Variants in ZNF624 observed in about 807,000 individuals in gnomAD.
The protein encoded by ZNF624 is zinc finger protein 624.
ZNF624 carries 43 observed loss-of-function variants against 74.7 expected under a neutral mutation model. The ratio of observed to expected loss-of-function variants is 0.58; its 90% CI spans 0.45 to 0.74. ZNF624 has a LOEUF of 0.74. Among genes scored for constraint, ZNF624 ranks in the 30% least tolerant of loss-of-function variants. ZNF624 has a pLI of 0.00. For synonymous variants in ZNF624, 331 were observed against 341.3 expected, an observed-to-expected ratio of 0.97 and a Z score of 0.33; for missense variants, 820 against 1,030.0, an observed-to-expected ratio of 0.80 and a Z score of 2.79.
At chr17:16,630,676 G>T (rs557806215) in intron 5 of ZNF624, among the ~76,000 whole-genome samples, 13 of 152,170 alleles carry the variant, frequency 8.5e-5, no homozygotes, top group African/African-American at 2.9e-4. Context: ...ACAACCAAAA[G>T]AAAGATGCTG....
Position 16,621,485 on chromosome 17 carries a change from G to A in ZNF624, c.*803C>T, listed in dbSNP as rs765286600. On this transcript the variant is annotated 3_prime_UTR_variant, in exon 6 of 6. Transcript: ENST00000311331. ...TTAAACATATATTGTTGGACTGCTG[G>A]TGGAAGTATGTTACACAACCTTTAA... is the stretch of plus-strand genomic sequence containing the variant. 1.3e-5 allele frequency: 2 copies of A among 152,212 alleles called. No individual in the cohort carries two copies. The highest frequency in any genetic ancestry group is 2.9e-5 in the Non-Finnish European group (2 of 68,042). 9.4% of individuals were successfully genotyped at this position (152,212 alleles called of 1,614,324 possible). A position where few individuals can be genotyped will look rare whatever the true frequency, so the allele number is the denominator to read the frequency against.
chr17:16,642,320 T>C (rs376064544), intron 3 of ZNF624, among the ~76,000 whole-genome samples: 2 of 152,230 alleles, frequency 1.3e-5, no homozygotes, highest in South Asian at 2.1e-4. Flanking sequence ...GACATTAGGA[T>C]AGACATTTAC....
chr17:16,625,365 A>G (rs1309429167), intron 5 of ZNF624, among the ~76,000 whole-genome samples: 1 of 152,042 alleles, frequency 6.6e-6, no homozygotes, highest in Non-Finnish European at 1.5e-5. Context: ...TATTTTTAGT[A>G]GAGACGGGGT....
At chr17:16,640,709 G>A (rs1408846045) in intron 3 of ZNF624, among the ~76,000 whole-genome samples, 3 of 152,118 alleles carry the variant, frequency 2.0e-5, no homozygotes, top group African/African-American at 7.2e-5. Context: ...CAGAAAATCT[G>A]GATAGATCTA....
At chr17:16,650,439 G>A (rs200486745) in intron 1 of ZNF624, among the ~76,000 whole-genome samples, 1 of 117,036 alleles carries the variant, frequency 8.5e-6, no homozygotes, top group Non-Finnish European at 1.7e-5. Context: ...AATAATAATA[G>A]AAGAGACATG....
downstream of ZNF624, among the ~76,000 whole-genome samples, chr17:16,616,491 A>C (rs1169593005): frequency 2.0e-5 from 3 of 152,262 alleles, no homozygotes; most frequent in East Asian, 5.8e-4. Context: ...TTAATTTAAA[A>C]ATAAGCAAAC....
chr17:16,623,039 T>G lies in ZNF624; in HGVS notation c.1847A>C (p.Asp616Ala). The G allele has an allele frequency of 1.9e-6, 3 of 1,613,986 alleles. No individual in the cohort carries two copies. The highest frequency in any genetic ancestry group is 2.5e-6 in the Non-Finnish European group (3 of 1,179,954). The stretch of plus-strand genomic sequence containing the variant: ...CATTTTGGTGAATGCCCTCTCGCAG[T>G]CAGTACATTTATATGGTTTCTCTCC... ...HTGEKPYKCT[D>A]CERAFTKMVN... Residue 616 changes from aspartate to alanine, a missense_variant, in exon 6 of 6, where the codon GAC becomes GCC. Asp to Ala is a moderately radical substitution (Grantham distance 126). Coordinates refer to ENST00000311331, the MANE Select transcript of ZNF624 (RefSeq NM_020787.4). This position sits in a 1 kb window ranked among gnomAD's most constrained non-coding sequence, Gnocchi z 5.3.
chr17:16,648,139 T>C (rs1175802483), intron 2 of ZNF624, among the ~76,000 whole-genome samples: 1 of 151,774 alleles, frequency 6.6e-6, no homozygotes, highest in Non-Finnish European at 1.5e-5. Context: ...AGACAGAGTT[T>C]CACCATGTTG....
intron 3 of ZNF624, among the ~76,000 whole-genome samples, chr17:16,639,482 C>T (rs1223149855): frequency 6.6e-6 from 1 of 152,058 alleles, no homozygotes; most frequent in Non-Finnish European, 1.5e-5. Flanking sequence ...TCACCAAGAA[C>T]TCAGCCCCAG....
chr17:16,616,760 A>G (rs1908799313), downstream of ZNF624: 1 of 761,954 alleles, frequency 1.3e-6, no homozygotes, highest in East Asian at 2.7e-5. Flanking sequence ...TTCCTCTTGC[A>G]GAAGAGACCA....
At chr17:16,650,668 T>A (rs1909703950) in intron 1 of ZNF624, among the ~76,000 whole-genome samples, 1 of 152,120 alleles carries the variant, frequency 6.6e-6, no homozygotes, top group Non-Finnish European at 1.5e-5. Context: ...TATCAAACAG[T>A]ACAGATTGTC....
chr17:16,623,568 C>T lies in ZNF624; in HGVS notation c.1318G>A (p.Glu440Lys), dbSNP rs1462669891. Reference sequence around the variant, plus strand: ...TCGTTGCACTGATATGGTTTCTCTTCAGTGTGGGTCTTCTGATGTACACTA... The same window carrying T: ...TCGTTGCACTGATATGGTTTCTCTTTAGTGTGGGTCTTCTGATGTACACTA... Reference protein sequence around the residue: ...YLSVHQKTHTEEKPYQCNECG... With the variant: ...YLSVHQKTHTKEKPYQCNECG... The change falls in exon 6 of 6, where the codon GAA becomes AAA. Residue 440 changes from glutamate (E) to lysine (K), a missense_variant. Transcript: ENST00000311331. The surrounding 1 kb of genome is among the most constrained non-coding windows in gnomAD (Gnocchi z 5.3). 6.2e-7 allele frequency: 1 copy of T among 1,610,426 alleles called. No individual in the cohort carries two copies. The highest frequency in any genetic ancestry group is 1.7e-5 in the Admixed American group (1 of 59,232).
In ZNF624 at chr17:16,622,778, T is replaced by C. The variant is rs1306087119; in HGVS notation, c.2108A>G (p.Lys703Arg). ...AAAGCCTGAGTTACTTGTGAAAACC[T>C]TTCCACATTCATTGCATTTATAGGG... ...EKPYKCNECG[K>R]VFTSNSGFNT... Residue 703 changes from lysine (K) to arginine (R), a missense_variant, in exon 6 of 6, where the codon AAG (lysine) becomes AGG (arginine). Coordinates refer to ENST00000311331, the MANE Select transcript of ZNF624 (RefSeq NM_020787.4). 1.9e-6 allele frequency: 3 copies of C among 1,613,928 alleles called. No homozygotes were observed. The highest frequency in any genetic ancestry group is 1.7e-4 in the Middle Eastern group (1 of 6,056).
chr17:16,622,917 C>A lies in ZNF624; in HGVS notation c.1969G>T (p.Val657Leu). ...TCTCCAGTATGGGTCCTCTGATGTA[C>A]AATAAGGTATGATTTAGTCCTAAAG... ...KSFRTKSYLI[V>L]HQRTHTGEKP... is the part of the protein sequence containing the mutation. The change falls in exon 6 of 6, where the codon GTA becomes TTA. Residue 657 changes from valine (V) to leucine (L), a missense_variant. Transcript: ENST00000311331. 1 of 1,614,042 alleles carries A rather than the reference C, an allele frequency of 6.2e-7. No homozygotes were observed. The highest frequency in any genetic ancestry group is 8.5e-7 in the Non-Finnish European group (1 of 1,179,970).
chr17:16,624,209 G>A lies in ZNF624; in HGVS notation c.677C>T (p.Thr226Ile). The change falls in exon 6 of 6, where the codon ACA (threonine) becomes ATA (isoleucine). Residue 226 changes from threonine (T) to isoleucine (I), a missense_variant. Physicochemically the swap from Thr to Ile is moderately conservative, Grantham distance 89. Coordinates refer to ENST00000311331, the MANE Select transcript of ZNF624 (RefSeq NM_020787.4). Reference sequence around the variant, plus strand: ...ATTCTCTGTGAAATTTTCCTCTTGTGTTTGGCATCTGCTGTGAAGCTCTTC... The same window carrying A: ...ATTCTCTGTGAAATTTTCCTCTTGTATTTGGCATCTGCTGTGAAGCTCTTC... ...ATEELHSRCQ[T>I]QEENFTENLN... is the part of the protein sequence containing the mutation. 1 of 1,614,090 alleles carries A rather than the reference G, an allele frequency of 6.2e-7. No individual in the cohort carries two copies. The highest frequency in any genetic ancestry group is 8.5e-7 in the Non-Finnish European group (1 of 1,180,022).
chr17:16,617,799 A>G (rs1597488094), downstream of ZNF624: 1 of 1,611,920 alleles, frequency 6.2e-7, no homozygotes, highest in Non-Finnish European at 8.5e-7. Context: ...TACTTCGAGG[A>G]GGCGGCCATA....
chr17:16,616,790 A>G (rs556223103), downstream of ZNF624: 176 of 856,044 alleles, frequency 2.1e-4, no homozygotes, highest in South Asian at 7.4e-4. Flanking sequence ...ATGGAAGAGT[A>G]ACTGCCTAAG....
chr17:16,625,353 T>C (rs766143577), intron 5 of ZNF624, among the ~76,000 whole-genome samples: 15 of 152,140 alleles, frequency 9.9e-5, no homozygotes, highest in Admixed American at 2.0e-4. Context: ...GGCTCATTTT[T>C]GTATTTTTAG....
chr17:16,644,769 A>G (rs1909547591), intron 3 of ZNF624, among the ~76,000 whole-genome samples: 1 of 152,256 alleles, frequency 6.6e-6, no homozygotes. Context: ...TATTTCTTCT[A>G]AAGTCATTCT....
Sources: gnomAD v4.1 joint callset for allele counts (sites outside exome capture counted in the v4.1 genomes callset) on GRCh38, gnomAD v4.1.1 for gene constraint, Gnocchi (gnomAD v3.1) non-coding constraint, MANE v1.5 for transcripts, NCBI Gene and HGNC (gene_info 2026-07-23, HGNC 2026-07-21) for gene names.